MDGA2: variants seen among roughly 807,000 people sequenced by gnomAD.
MDGA2 encodes the protein MAM domain containing glycosylphosphatidylinositol anchor 2, also known as MAM domain-containing glycosylphosphatidylinositol anchor protein 2.
Under a neutral mutation model 117.8 loss-of-function variants are expected in MDGA2, and 40 were observed. That is an observed-to-expected ratio of 0.34 (90% CI 0.26 to 0.44). MDGA2 has a LOEUF of 0.44. Ranked by LOEUF, MDGA2 falls within the 20% of genes least tolerant of loss-of-function variation. The pLI is 1.00. For missense variants in MDGA2, 1,123 were observed against 1,250.6 expected (o/e 0.90, Z 1.54); for synonymous variants, 452 against 439.0 (o/e 1.03, Z -0.37).
At chr14:46,943,325 CATTTT>C (rs1001480930) in intron 9 of MDGA2, among the ~76,000 whole-genome samples, 6 of 151,830 alleles carry the variant, frequency 4.0e-5, no homozygotes, top group Non-Finnish European at 7.4e-5. Context: ...GTAGATAGTG[CATTTT>C]TTTTTCTCAG....
intron 2 of MDGA2, among the ~76,000 whole-genome samples, chr14:47,224,016 C>T (rs763271044): frequency 1.6e-4 from 24 of 152,108 alleles, no homozygotes; most frequent in Non-Finnish European, 2.4e-4. Context: ...CACTGGATCC[C>T]TTCTACCACA....
Position 47,119,169 on chromosome 14 carries a change from G to GCT in MDGA2, c.925+12544_925+12545insAG, listed in dbSNP as rs1225981074. ...GGGTTCACGCCATTCTCCTGCCTCAGCCCCGCCCCCCCCCCCCCACCCCGT... is the reference window on the plus strand; with the variant it reads ...GGGTTCACGCCATTCTCCTGCCTCAGCTCCCCGCCCCCCCCCCCCCACCCCGT... On this transcript the variant is annotated intron_variant, in intron 5 of 16. Coordinates refer to ENST00000399232, the MANE Select transcript of MDGA2 (RefSeq NM_001113498.3). Among the ~76,000 whole-genome samples, 24 of 19,390 alleles carry GCT rather than the reference G, an allele frequency of 1.2e-3. 5 individuals carry two copies. Among genetic ancestry groups the GCT allele is most frequent in the African/African-American group, 3.2e-3 (23 of 7,216 alleles). The allele number at this position is 19,390 out of a possible 152,430, so 12.7% of individuals were successfully genotyped here.
intron 1 of MDGA2, chr14:47,444,609 T>TA (rs1348584801): frequency 3.3e-5 from 5 of 152,092 alleles, no homozygotes; most frequent in Admixed American, 2.6e-4. Flanking sequence ...TGCTAAGGAG[T>TA]AAAACTTTTT....
chr14:47,307,938 G>C (rs556444424), intron 1 of MDGA2, among the ~76,000 whole-genome samples: 2 of 152,226 alleles, frequency 1.3e-5, no homozygotes, highest in East Asian at 1.9e-4. Flanking sequence ...TAAAGAAAGA[G>C]ACTTAGTGCG....
chr14:47,458,461 T>C (rs942184199), intron 1 of MDGA2, among the ~76,000 whole-genome samples: 2 of 152,202 alleles, frequency 1.3e-5, no homozygotes, highest in Middle Eastern at 3.4e-3. Context: ...TTTTTGTGTA[T>C]GGTGAGAGCA....
chr14:47,363,912 T>C (rs1352743250), intron 1 of MDGA2, among the ~76,000 whole-genome samples: 1 of 152,230 alleles, frequency 6.6e-6, no homozygotes, highest in Non-Finnish European at 1.5e-5. Flanking sequence ...ATGTCTAACA[T>C]GTATGCTTTT....
At chr14:46,857,412 G>A (rs1881311605) in intron 14 of MDGA2, among the ~76,000 whole-genome samples, 1 of 152,006 alleles carries the variant, frequency 6.6e-6, no homozygotes. Context: ...CGTATTAAAG[G>A]TGTTCCATTA....
At chr14:47,006,549 TATATC>T (rs1003416611) in intron 8 of MDGA2, among the ~76,000 whole-genome samples, 18 of 150,810 alleles carry the variant, frequency 1.2e-4, no homozygotes, top group Admixed American at 3.3e-4. Context: ...AGTCAACTAT[TATATC>T]ATATCAGATA....
At chr14:47,499,917 T>C (rs759015923) in intron 1 of MDGA2, among the ~76,000 whole-genome samples, 4 of 152,160 alleles carry the variant, frequency 2.6e-5, no homozygotes, top group African/African-American at 4.8e-5. Flanking sequence ...CACAGGGATA[T>C]ATGTGTCTAT....
chr14:47,425,833 C>G (rs1460342681), intron 1 of MDGA2, among the ~76,000 whole-genome samples: 1 of 151,870 alleles, frequency 6.6e-6, no homozygotes, highest in African/African-American at 2.4e-5. Flanking sequence ...ATGTAAAAGT[C>G]TTACATAGCC....
intron 5 of MDGA2, among the ~76,000 whole-genome samples, chr14:47,122,368 A>C (rs1170029771): frequency 2.0e-5 from 3 of 152,020 alleles, no homozygotes; most frequent in Non-Finnish European, 4.4e-5. Flanking sequence ...ACATGGAGGT[A>C]GGCTGGATAG....
At chr14:46,963,365 T>C (rs1477908104) in intron 8 of MDGA2, among the ~76,000 whole-genome samples, 1 of 152,228 alleles carries the variant, frequency 6.6e-6, no homozygotes, top group Non-Finnish European at 1.5e-5. Flanking sequence ...GTCAAATGCG[T>C]GTTTAACAGA....
At chr14:46,961,076 G>T (rs981971314) in intron 8 of MDGA2, among the ~76,000 whole-genome samples, 1 of 151,942 alleles carries the variant, frequency 6.6e-6, no homozygotes, top group African/African-American at 2.4e-5. Context: ...GTGTAAAGAG[G>T]TCAACTCAAA....
At chr14:47,073,668 T>C (rs1890377325) in intron 6 of MDGA2, among the ~76,000 whole-genome samples, 1 of 152,158 alleles carries the variant, frequency 6.6e-6, no homozygotes, top group South Asian at 2.1e-4. Context: ...TGTGAAAGGG[T>C]AAGAGAAGAC....
At chr14:47,339,386 G>A (rs1890553410) in intron 1 of MDGA2, among the ~76,000 whole-genome samples, 1 of 152,026 alleles carries the variant, frequency 6.6e-6, no homozygotes, top group Non-Finnish European at 1.5e-5. Context: ...GGATATGGTT[G>A]GTTTGACCCC....
chr14:47,079,983 G>C (rs192135095), intron 6 of MDGA2, among the ~76,000 whole-genome samples: 53 of 151,994 alleles, frequency 3.5e-4, no homozygotes, highest in African/African-American at 1.3e-3. Flanking sequence ...CGCCCGCCTC[G>C]GCCTCCCAAA....
intron 1 of MDGA2, among the ~76,000 whole-genome samples, chr14:47,402,330 ACCCC>A (rs1386594654): frequency 0.018 from 316 of 17,184 alleles, 7 homozygotes; most frequent in Non-Finnish European, 0.03. Context: ...AACCCCAGAA[ACCCC>A]CGCCCCCCCA....
At chr14:47,366,152 C>A (rs1049646799) in intron 1 of MDGA2, among the ~76,000 whole-genome samples, 14 of 152,166 alleles carry the variant, frequency 9.2e-5, no homozygotes, top group African/African-American at 2.9e-4. Context: ...TTCAAGCGTT[C>A]TTTCACATAG....
At chr14:47,514,388 A>G (rs181552438) in intron 1 of MDGA2, among the ~76,000 whole-genome samples, 44 of 152,150 alleles carry the variant, frequency 2.9e-4, no homozygotes, top group African/African-American at 9.4e-4. Context: ...GCCACTCTAG[A>G]CTAAAATTAA....
Sources: allele counts gnomAD v4.1 joint callset (sites outside exome capture counted in the v4.1 genomes callset), GRCh38; gene constraint gnomAD v4.1.1; transcripts MANE v1.5; gene names NCBI Gene and HGNC (gene_info 2026-07-23, HGNC 2026-07-21).